AKAP13: variants seen among roughly 807,000 people sequenced by gnomAD.
AKAP13 encodes the protein A-kinase anchor protein 13.
AKAP13 carries 80 observed loss-of-function variants against 264.5 expected under a neutral mutation model. The ratio of observed to expected loss-of-function variants is 0.30; its 90% CI spans 0.25 to 0.36. The LOEUF is 0.36. Among genes scored for constraint, AKAP13 ranks in the 10% least tolerant of loss-of-function variants. The pLI is 1.00. For synonymous variants in AKAP13, 1,380 were observed against 1,250.2 expected (o/e 1.10, Z -2.19); for missense variants, 3,712 against 3,435.2 (o/e 1.08, Z -2.01).
intron 8 of AKAP13, among the ~76,000 whole-genome samples, chr15:85,607,757 A>C (rs1296634956): frequency 6.6e-6 from 1 of 152,268 alleles, no homozygotes; most frequent in Non-Finnish European, 1.5e-5. Flanking sequence ...AATCTAAGGT[A>C]AACAGTTACA....
intron 1 of AKAP13, among the ~76,000 whole-genome samples, chr15:85,455,396 G>A (rs1420852260): frequency 1.3e-5 from 2 of 152,082 alleles, no homozygotes; most frequent in Non-Finnish European, 2.9e-5. Context: ...AGTGGGACAC[G>A]AGGCATATTC....
intron 5 of AKAP13, among the ~76,000 whole-genome samples, chr15:85,565,274 C>G (rs2078565285): frequency 6.6e-6 from 1 of 152,042 alleles, no homozygotes; most frequent in East Asian, 1.9e-4. Context: ...GTAGAAATCT[C>G]TATGGACCTT....
At chr15:85,588,276 C>G (rs2079441906) in intron 8 of AKAP13, among the ~76,000 whole-genome samples, 1 of 152,094 alleles carries the variant, frequency 6.6e-6, no homozygotes, top group Non-Finnish European at 1.5e-5. Context: ...TCTAACCCGC[C>G]CTTATTACAC....
intron 1 of AKAP13, among the ~76,000 whole-genome samples, chr15:85,385,395 TAG>T (rs1403130266): frequency 3.9e-5 from 6 of 152,356 alleles, no homozygotes; most frequent in Admixed American, 6.5e-5. Flanking sequence ...TTCATATGTA[TAG>T]TTTACATTCA....
rs374306230 is a variant in AKAP13, at chr15:85,415,683, C to G, written c.-12+34885C>G. On this transcript the variant is annotated intron_variant, in intron 1 of 36. Transcript: ENST00000394518. ...GGAGTTAACTAAGAGAATGACCAAG[C>G]TCAGTTCAATGAGCAAATCTCCATA... The G allele has an allele frequency of 1.1e-5, 11 of 1,035,950 alleles. No homozygotes were observed. In the Middle Eastern group the frequency reaches 9.0e-4, roughly 85 times the overall value. 64.2% of individuals were successfully genotyped at this position (1,035,950 alleles called of 1,614,324 possible).
At chr15:85,455,722 C>A (rs993953380) in intron 1 of AKAP13, among the ~76,000 whole-genome samples, 11 of 151,898 alleles carry the variant, frequency 7.2e-5, no homozygotes, top group Non-Finnish European at 1.5e-4. Flanking sequence ...ATTATTGCTT[C>A]CCTTTCAAAG....
In AKAP13 at chr15:85,746,144, CT is replaced by C. The variant is rs1422740605; in HGVS notation, c.*1471del. ...TTTTTTGCCCCTCGGAAGCATGGGG[CT>C]TTTGAGCACACTTAAAAAAAGAAAA... is the stretch of plus-strand genomic sequence containing the variant. On this transcript the variant is annotated 3_prime_UTR_variant, in exon 37 of 37. Transcript: ENST00000394518. 1.3e-5 allele frequency: 2 copies of C among 152,520 alleles called. No individual in the cohort carries two copies. The highest frequency in any genetic ancestry group is 4.8e-5 in the African/African-American group (2 of 41,422). The allele number at this position is 152,520 out of a possible 1,614,324, so 9.4% of individuals were successfully genotyped here.
At chr15:85,638,287 T>C (rs1199094873) in intron 8 of AKAP13, among the ~76,000 whole-genome samples, 3 of 152,210 alleles carry the variant, frequency 2.0e-5, no homozygotes, top group Non-Finnish European at 4.4e-5. Flanking sequence ...TACTTTTTAT[T>C]ATTTTAATTC....
At chr15:85,439,056 C>T (rs571058648) in intron 1 of AKAP13, among the ~76,000 whole-genome samples, 221 of 150,342 alleles carry the variant, frequency 1.5e-3, no homozygotes, top group Middle Eastern at 6.8e-3. Context: ...AGAAAATTTT[C>T]GCAACCTACT....
intron 17 of AKAP13, among the ~76,000 whole-genome samples, chr15:85,699,480 A>G (rs1440939635): frequency 6.6e-6 from 1 of 152,172 alleles, no homozygotes; most frequent in Non-Finnish European, 1.5e-5. Flanking sequence ...AAAATATCTG[A>G]AAGGCTATAC....
chr15:85,434,537 G>C (rs1043862194), intron 1 of AKAP13, among the ~76,000 whole-genome samples: 3 of 152,064 alleles, frequency 2.0e-5, no homozygotes, highest in Non-Finnish European at 2.9e-5. Flanking sequence ...CAAACAAAAA[G>C]ACAGCAGTAA....
rs561451324 is a variant in AKAP13, at chr15:85,384,321, G to C, written c.-12+3523G>C. Reference sequence around the variant, plus strand: ...TGAATAGACTTGGTTATTACTGATGGGGACAGGCATCCATTTGGAAGTAGC... The same window carrying C: ...TGAATAGACTTGGTTATTACTGATGCGGACAGGCATCCATTTGGAAGTAGC... On this transcript the variant is annotated intron_variant, in intron 1 of 36. Transcript: ENST00000394518. Among the ~76,000 whole-genome samples the C allele has an allele frequency of 2.6e-5, 4 of 152,272 alleles. No homozygotes were observed. The East Asian group carries it at 7.7e-4, about 29-fold the overall frequency.
intron 5 of AKAP13, among the ~76,000 whole-genome samples, chr15:85,559,587 G>C (rs893418501): frequency 7.2e-5 from 11 of 152,152 alleles, no homozygotes; most frequent in African/African-American, 2.7e-4. Context: ...CCCATCAGGG[G>C]GTGATGGGAG....
chr15:85,454,686 A>G (rs918841826), intron 1 of AKAP13, among the ~76,000 whole-genome samples: 5 of 152,282 alleles, frequency 3.3e-5, no homozygotes, highest in Admixed American at 3.3e-4. Flanking sequence ...CACATGCTAT[A>G]TAACTTACCC....
chr15:85,562,902 T>G (rs1178450069), intron 5 of AKAP13, among the ~76,000 whole-genome samples: 1 of 147,774 alleles, frequency 6.8e-6, no homozygotes, highest in Non-Finnish European at 1.5e-5. Context: ...TTAGTAGAGA[T>G]AGGGTTTCAC....
At chr15:85,381,662 G>A (rs1567029623) in intron 1 of AKAP13, 1 of 151,738 alleles carries the variant, frequency 6.6e-6, no homozygotes, top group Non-Finnish European at 1.5e-5. Context: ...ATAGCAGAGT[G>A]ATACCGTCCC....
intron 6 of AKAP13, among the ~76,000 whole-genome samples, chr15:85,575,609 G>A (rs975945502): frequency 2.0e-5 from 3 of 152,108 alleles, no homozygotes; most frequent in South Asian, 2.1e-4. Context: ...GGAGAATGGC[G>A]TGAACCCAGG....
chr15:85,511,291 A>C (rs1192536785), intron 2 of AKAP13, among the ~76,000 whole-genome samples: 1 of 152,002 alleles, frequency 6.6e-6, no homozygotes, highest in East Asian at 1.9e-4. Flanking sequence ...CTGGAACACC[A>C]GCGTCTAGTC....
intron 3 of AKAP13, among the ~76,000 whole-genome samples, chr15:85,530,288 T>C (rs905460560): frequency 6.6e-6 from 1 of 152,218 alleles, no homozygotes; most frequent in African/African-American, 2.4e-5. Flanking sequence ...GTGCTGATAC[T>C]TACTTTGGCA....
Sources: gnomAD v4.1 joint callset for allele counts (sites outside exome capture counted in the v4.1 genomes callset) on GRCh38, gnomAD v4.1.1 for gene constraint, MANE v1.5 for transcripts, NCBI Gene and HGNC (gene_info 2026-07-23, HGNC 2026-07-21) for gene names.